ARMC9: variants seen among roughly 807,000 people sequenced by gnomAD.
The protein encoded by ARMC9 is lisH domain-containing protein ARMC9.
ARMC9 carries 94 observed loss-of-function variants against 107.0 expected under a neutral mutation model. The ratio of observed to expected loss-of-function variants is 0.88; its 90% CI spans 0.74 to 1.04. ARMC9 has a LOEUF of 1.04. ARMC9 is among the 50% of genes least tolerant of loss of function. The pLI is 0.00. For missense variants in ARMC9, 942 were observed against 1,030.1 expected, an observed-to-expected ratio of 0.91 and a Z score of 1.17; for synonymous variants, 380 against 396.9, an observed-to-expected ratio of 0.96 and a Z score of 0.51.
At chr2:231,347,285 A>G (rs941177069) in intron 21 of ARMC9, among the ~76,000 whole-genome samples, 3 of 152,146 alleles carry the variant, frequency 2.0e-5, no homozygotes, top group Non-Finnish European at 4.4e-5. Flanking sequence ...AGCTTCCCTT[A>G]TCAGGTCTCA....
At chr2:231,261,880 T>C (rs371004114) in intron 11 of ARMC9, among the ~76,000 whole-genome samples, 1 of 152,048 alleles carries the variant, frequency 6.6e-6, no homozygotes, top group African/African-American at 2.4e-5. Context: ...TGGAGTGCAG[T>C]GGCGCGATCT....
rs555602407 is a variant in ARMC9, at chr2:231,298,407, T to C, written c.1773+2154T>C. 4.6e-5 allele frequency among the ~76,000 whole-genome samples: 7 copies of C among 152,170 alleles called. No individual in the cohort carries two copies. The South Asian group carries it at 1.0e-3, about 23-fold the overall frequency. On this transcript the variant is annotated intron_variant, in intron 19 of 24. Coordinates refer to ENST00000611582, the MANE Select transcript of ARMC9 (RefSeq NM_001352754.2). ...TCAAAGTTGGAGGGAAAAAAGAGAG[T>C]GACAGATCTTAGGCTAAAGAAAATT...
chr2:231,280,708 G>A (rs1376759248), intron 16 of ARMC9, among the ~76,000 whole-genome samples: 3 of 152,076 alleles, frequency 2.0e-5, no homozygotes, highest in Non-Finnish European at 4.4e-5. Context: ...ATGAAACCCC[G>A]AGGAAAAGTT....
At chr2:231,278,189 A>G (rs2039923538) in intron 15 of ARMC9, among the ~76,000 whole-genome samples, 193 bp from the exon 16 acceptor site, 1 of 152,186 alleles carries the variant, frequency 6.6e-6, no homozygotes, top group Non-Finnish European at 1.5e-5. Context: ...AGGTATGAAT[A>G]GTAATCCCTG....
intron 1 of ARMC9, among the ~76,000 whole-genome samples, chr2:231,200,305 T>C (rs1447247026): frequency 6.6e-6 from 1 of 152,208 alleles, no homozygotes; most frequent in Non-Finnish European, 1.5e-5. Context: ...TTATATGCCT[T>C]GAGTACCTTT....
At chr2:231,368,450 C>T (rs2045897167) in intron 23 of ARMC9, among the ~76,000 whole-genome samples, 1 of 152,022 alleles carries the variant, frequency 6.6e-6, no homozygotes, top group Admixed American at 6.6e-5. Context: ...AAATAATACC[C>T]AACTCTTGTA....
At chr2:231,298,965 C>T (rs1191278978) in intron 19 of ARMC9, among the ~76,000 whole-genome samples, 2 of 152,062 alleles carry the variant, frequency 1.3e-5, no homozygotes, top group South Asian at 2.1e-4. Context: ...TGGGATGGGG[C>T]CTGAGACCAG....
chr2:231,322,869 T>G (rs1345865505), intron 19 of ARMC9, among the ~76,000 whole-genome samples: 1 of 152,200 alleles, frequency 6.6e-6, no homozygotes, highest in African/African-American at 2.4e-5. Context: ...TCTTGAGTAT[T>G]TCTTTATCCA....
chr2:231,291,325 T>TA (rs756400230), intron 17 of ARMC9, 28 bp from the exon 18 acceptor site: 1 of 1,575,230 alleles, frequency 6.3e-7, no homozygotes, highest in Non-Finnish European at 8.7e-7. Flanking sequence ...ACTGAAATGT[T>TA]AACTATTACT....
intron 19 of ARMC9, among the ~76,000 whole-genome samples, chr2:231,307,739 C>T (rs979008857): frequency 6.6e-6 from 1 of 152,224 alleles, no homozygotes; most frequent in Admixed American, 6.5e-5. Context: ...GGTTCCAGAG[C>T]AGGGACAGTT....
intron 4 of ARMC9, chr2:231,215,223 T>G: frequency 2.0e-6 from 1 of 503,116 alleles, no homozygotes; most frequent in Non-Finnish European, 3.3e-6. Context: ...CAAAGCTATA[T>G]TCCTAAATAC....
intron 1 of ARMC9, among the ~76,000 whole-genome samples, chr2:231,200,791 C>T (rs2030779838): frequency 6.6e-6 from 1 of 151,478 alleles, no homozygotes; most frequent in South Asian, 2.1e-4. Context: ...GCCGAGATCC[C>T]GCCACTGCAC....
chr2:231,273,763 C>T (rs1394562110), intron 14 of ARMC9, among the ~76,000 whole-genome samples: 1 of 152,076 alleles, frequency 6.6e-6, no homozygotes, highest in Non-Finnish European at 1.5e-5. Context: ...TATTTACACA[C>T]CATAATATTC....
intron 19 of ARMC9, among the ~76,000 whole-genome samples, chr2:231,316,763 G>A (rs1344205422): frequency 1.2e-4 from 18 of 151,980 alleles, no homozygotes; most frequent in Admixed American, 1.2e-3. Flanking sequence ...GGCTTCCATT[G>A]TTTTGTTTTG....
intron 21 of ARMC9, among the ~76,000 whole-genome samples, chr2:231,352,136 T>A (rs2045108729): frequency 6.6e-6 from 1 of 151,760 alleles, no homozygotes; most frequent in Non-Finnish European, 1.5e-5. Context: ...CTGGCTGAAT[T>A]TTTAATTTTT....
At chr2:231,222,658 A>T in intron 5 of ARMC9, 70 bp from the exon 6 acceptor site, 1 of 858,066 alleles carries the variant, frequency 1.2e-6, no homozygotes, top group East Asian at 2.6e-5. Context: ...TAGCCTAATG[A>T]CCTCAACTTG....
chr2:231,240,061 G>C lies in ARMC9; in HGVS notation c.879+20G>C. The C allele has an allele frequency of 6.3e-7, 1 of 1,598,624 alleles. No individual in the cohort carries two copies. The highest frequency in any genetic ancestry group is 1.1e-5 in the South Asian group (1 of 89,778). On this transcript the variant is annotated intron_variant, in intron 9 of 24. Transcript: ENST00000611582. ...GGGACGGTGAGGCTCTGCGCTCAGG[G>C]CAGGGTGCCCGTGGTCTATCCCCCC...
At chr2:231,233,051 A>G (rs1182753427) in intron 7 of ARMC9, among the ~76,000 whole-genome samples, 4 of 151,834 alleles carry the variant, frequency 2.6e-5, no homozygotes, top group Non-Finnish European at 5.9e-5. Context: ...GGGTTTCACC[A>G]TGTTGGCCAG....
Position 231,362,989 on chromosome 2 carries a change from G to T in ARMC9, c.2261+2106G>T, listed in dbSNP as rs920895145. Reference sequence around the variant, plus strand: ...GCCTCTCACTGCCTCAGAGACAAGCGCAGTGTGCAGGGCACAGAGAGCGTG... The same window carrying T: ...GCCTCTCACTGCCTCAGAGACAAGCTCAGTGTGCAGGGCACAGAGAGCGTG... On this transcript the variant is annotated intron_variant, in intron 23 of 24. Coordinates refer to ENST00000611582, the MANE Select transcript of ARMC9 (RefSeq NM_001352754.2). This position sits in a 1 kb window ranked among gnomAD's most constrained non-coding sequence, Gnocchi z 4.7. Among the ~76,000 whole-genome samples the T allele has an allele frequency of 3.3e-5, 5 of 152,218 alleles. No individual in the cohort carries two copies. Among genetic ancestry groups the T allele is most frequent in the African/African-American group, 4.8e-5 (2 of 41,460 alleles).
Sources: gnomAD v4.1 joint callset for allele counts (sites outside exome capture counted in the v4.1 genomes callset) on GRCh38, gnomAD v4.1.1 for gene constraint, Gnocchi (gnomAD v3.1) non-coding constraint, MANE v1.5 for transcripts, NCBI Gene and HGNC (gene_info 2026-07-23, HGNC 2026-07-21) for gene names.